TBCE: variants seen among roughly 807,000 people sequenced by gnomAD.
TBCE encodes the protein tubulin-specific chaperone E.
TBCE carries 53 observed loss-of-function variants against 77.0 expected under a neutral mutation model. That is an observed-to-expected ratio of 0.69 (90% confidence interval 0.55 to 0.87). TBCE has a LOEUF of 0.87. Among genes scored for constraint, TBCE ranks in the 40% least tolerant of loss-of-function variants. TBCE has a pLI of 0.00. For missense variants in TBCE, 624 were observed against 622.4 expected (o/e 1.00, Z -0.03); for synonymous variants, 235 against 241.3 (o/e 0.97, Z 0.24).
chr1:235,450,084 G>T lies in TBCE; in HGVS notation c.*1322G>T. 1 of 1,195,026 alleles carries T rather than the reference G, an allele frequency of 8.4e-7. No individual in the cohort carries two copies. Among genetic ancestry groups the T allele is most frequent in the Non-Finnish European group, 1.2e-6 (1 of 845,232 alleles). 74.0% of individuals were successfully genotyped at this position (1,195,026 alleles called of 1,614,324 possible). On this transcript the variant is annotated 3_prime_UTR_variant, in exon 17 of 17. Coordinates refer to ENST00000642610, the MANE Select transcript of TBCE (RefSeq NM_003193.5). Reference sequence around the variant, plus strand: ...CACCGCATTGGTTCTGGGTGAAAGTGCCAGTCTGGAACTCTCTTGAAAGAC... The same window carrying T: ...CACCGCATTGGTTCTGGGTGAAAGTTCCAGTCTGGAACTCTCTTGAAAGAC...
chr1:235,448,006 C>G (rs947563144), intron 15 of TBCE, among the ~76,000 whole-genome samples: 3 of 151,952 alleles, frequency 2.0e-5, no homozygotes, highest in Non-Finnish European at 4.4e-5. Flanking sequence ...GTCAGGAGTT[C>G]AAGACCAGCC....
At chr1:235,443,126 A>G (rs1483405853) in intron 15 of TBCE, among the ~76,000 whole-genome samples, 1 of 151,996 alleles carries the variant, frequency 6.6e-6, no homozygotes, top group East Asian at 1.9e-4. Context: ...TTATCAGCTG[A>G]AAGCAGTTCT....
intron 1 of TBCE, among the ~76,000 whole-genome samples, chr1:235,378,482 C>T (rs1180383313): frequency 6.6e-6 from 1 of 152,182 alleles, no homozygotes; most frequent in African/African-American, 2.4e-5. Flanking sequence ...CCTTGGCCTC[C>T]CAAAGCGCTG....
intron 15 of TBCE, among the ~76,000 whole-genome samples, chr1:235,445,750 T>C (rs971417103): frequency 7.2e-5 from 11 of 152,204 alleles, no homozygotes; most frequent in Non-Finnish European, 1.5e-4. Context: ...TTTAAAGTCA[T>C]GTGGGAACTA....
At chr1:235,402,656 A>G (rs184473825) in intron 3 of TBCE, among the ~76,000 whole-genome samples, 8 of 151,826 alleles carry the variant, frequency 5.3e-5, no homozygotes, top group Admixed American at 3.3e-4. Flanking sequence ...TTTTTGAGAC[A>G]TTGTCTCGCC....
At chr1:235,440,001 C>T (rs766256594) in intron 13 of TBCE, among the ~76,000 whole-genome samples, 39 of 150,976 alleles carry the variant, frequency 2.6e-4, no homozygotes, top group Non-Finnish European at 4.9e-4. Flanking sequence ...GACGGAGCCT[C>T]GCTCTGTCGC....
chr1:235,433,707 A>G (rs1047007743), intron 7 of TBCE: 1 of 158,948 alleles, frequency 6.3e-6, no homozygotes, highest in Admixed American at 6.0e-5. Flanking sequence ...TTTGTCATAA[A>G]TATATAATGA....
intron 2 of TBCE, among the ~76,000 whole-genome samples, chr1:235,386,015 G>C (rs1677976030): frequency 1.3e-5 from 2 of 152,248 alleles, no homozygotes; most frequent in South Asian, 4.1e-4. Context: ...AGGCCTGGTG[G>C]TGACAAAATC....
In TBCE at chr1:235,448,626, A is replaced by C. The variant is rs200912876; in HGVS notation, c.1492-44A>C. 69 of 1,534,896 alleles carry C rather than the reference A, an allele frequency of 4.5e-5. No homozygotes were observed. The African/African-American group carries it at 8.3e-4, about 19-fold the overall frequency. On this transcript the variant is annotated intron_variant, in intron 16 of 16. Coordinates refer to ENST00000642610, the MANE Select transcript of TBCE (RefSeq NM_003193.5). ...GAGTATGTGTAGCATGCTTTATCGG[A>C]TCTGTCTTAATCACATCCTTCCCCA...
At chr1:235,447,193 AATAC>A (rs1210175869) in intron 15 of TBCE, among the ~76,000 whole-genome samples, 1 of 152,234 alleles carries the variant, frequency 6.6e-6, no homozygotes, top group Non-Finnish European at 1.5e-5. Flanking sequence ...AACTGTATTC[AATAC>A]ATACAAAAAG....
intron 2 of TBCE, among the ~76,000 whole-genome samples, chr1:235,390,758 CAA>C (rs35639285): frequency 1.1e-3 from 77 of 71,426 alleles, no homozygotes; most frequent in Admixed American, 4.3e-3. Flanking sequence ...CGAAACGTCT[CAA>C]AAAAAAAAAA....
In TBCE at chr1:235,388,413, C is replaced by T. The variant is rs548929556; in HGVS notation, c.100+8264C>T. ...AAGTGATTCTCCTGCCTCAGCCTCC[C>T]GAGTAGCTGGGATTACGGGGACCCA... On this transcript the variant is annotated intron_variant, in intron 2 of 16. Coordinates refer to ENST00000642610, the MANE Select transcript of TBCE (RefSeq NM_003193.5). Among the ~76,000 whole-genome samples the T allele has an allele frequency of 5.9e-5, 9 of 151,728 alleles. No homozygotes were observed. In the South Asian group the frequency reaches 1.0e-3, roughly 18 times the overall value.
Position 235,432,906 on chromosome 1 carries a change from A to C in TBCE, c.661-1298A>C, listed in dbSNP as rs756589795. 5.6e-6 allele frequency: 5 copies of C among 886,366 alleles called. No homozygotes were observed. The South Asian group carries it at 1.3e-4, about 22-fold the overall frequency. The allele number at this position is 886,366 out of a possible 1,614,324, so 54.9% of individuals were successfully genotyped here. A position where few individuals can be genotyped will look rare whatever the true frequency, so the allele number is the denominator to read the frequency against. ...ATACATAATTATATAATATATAATA[A>C]TTTTTTGTAATTTTTTTTTTTGTAA... is the stretch of plus-strand genomic sequence containing the variant. On this transcript the variant is annotated intron_variant, in intron 7 of 16. Coordinates refer to ENST00000642610, the MANE Select transcript of TBCE (RefSeq NM_003193.5).
intron 3 of TBCE, among the ~76,000 whole-genome samples, chr1:235,403,364 G>A (rs1030376661): frequency 1.3e-5 from 2 of 152,080 alleles, no homozygotes; most frequent in African/African-American, 2.4e-5. Flanking sequence ...ACGCTACCAC[G>A]TCTGGCCAAT....
At chr1:235,399,961 T>C (rs1389315760) in intron 2 of TBCE, among the ~76,000 whole-genome samples, 1 of 152,186 alleles carries the variant, frequency 6.6e-6, no homozygotes, top group African/African-American at 2.4e-5. Flanking sequence ...GTGTGAGGAA[T>C]AGTGTAGCAG....
At chr1:235,447,939 C>T (rs1682517781) in intron 15 of TBCE, among the ~76,000 whole-genome samples, 1 of 151,830 alleles carries the variant, frequency 6.6e-6, no homozygotes, top group African/African-American at 2.4e-5. Flanking sequence ...CAGCCAGGCG[C>T]TGGGCTCATG....
intron 2 of TBCE, among the ~76,000 whole-genome samples, chr1:235,380,908 C>G (rs1453753885): frequency 2.0e-5 from 3 of 152,108 alleles, no homozygotes; most frequent in African/African-American, 7.2e-5. Flanking sequence ...GCCTCAGTCT[C>G]TCGAGTAGCT....
intron 2 of TBCE, among the ~76,000 whole-genome samples, chr1:235,382,581 T>A (rs1176605943): frequency 3.3e-5 from 5 of 152,094 alleles, no homozygotes; most frequent in Non-Finnish European, 5.9e-5. Flanking sequence ...GTGAGCATTT[T>A]TTCATGTGTT....
intron 11 of TBCE, 148 bp downstream of exon 11, chr1:235,436,756 C>CA: frequency 3.9e-6 from 3 of 761,036 alleles, no homozygotes; most frequent in Non-Finnish European, 6.7e-6. Context: ...CATAAGAAGC[C>CA]AAAAATATTA....
Sources: gnomAD v4.1 joint callset for allele counts (sites outside exome capture counted in the v4.1 genomes callset) on GRCh38, gnomAD v4.1.1 for gene constraint, MANE v1.5 for transcripts, NCBI Gene and HGNC (gene_info 2026-07-23, HGNC 2026-07-21) for gene names.